GFOD1: variants seen among roughly 807,000 people sequenced by gnomAD.
GFOD1 encodes glucose-fructose oxidoreductase domain-containing protein 1.
A neutral mutation model predicts 25.4 loss-of-function variants in GFOD1; 9 were observed. That is an observed-to-expected ratio of 0.35 (90% CI 0.21 to 0.62). GFOD1 has a LOEUF of 0.62. Among genes scored for constraint, GFOD1 ranks in the 20% least tolerant of loss-of-function variants. The probability of loss-of-function intolerance (pLI) is 0.72; values close to 1 mark genes in which losing one functional copy is unlikely to be tolerated. For synonymous variants in GFOD1, 253 were observed against 245.6 expected (o/e 1.03, Z -0.28); for missense variants, 403 against 556.9 (o/e 0.72, Z 2.78).
At chr6:13,463,421 TG>T (rs1369951648) in intron 1 of GFOD1, among the ~76,000 whole-genome samples, 5 of 152,244 alleles carry the variant, frequency 3.3e-5, no homozygotes, top group African/African-American at 7.2e-5. Context: ...TCAGTTCATA[TG>T]CTCAGTAGCC....
At chr6:13,485,804 C>A (rs968711418) in intron 1 of GFOD1, among the ~76,000 whole-genome samples, 1 of 152,184 alleles carries the variant, frequency 6.6e-6, no homozygotes, top group African/African-American at 2.4e-5. Flanking sequence ...TCATGCAAAG[C>A]ATCCATGCCT....
In GFOD1 at chr6:13,474,274, G is replaced by A. The variant is rs111310899; in HGVS notation, c.253+12364C>T. ...CATGCCTGTAATTCCAGCTACTGGG[G>A]AGGCTGAGGCAGGAGAATTGCTTGA... On this transcript the variant is annotated intron_variant, in intron 1 of 1. Coordinates refer to ENST00000379287, the MANE Select transcript of GFOD1 (RefSeq NM_018988.4). Among the ~76,000 whole-genome samples, 1,522 of 152,268 alleles carry A rather than the reference G, an allele frequency of 1.0e-2. 15 individuals are homozygous for A. Among genetic ancestry groups the A allele is most frequent in the Non-Finnish European group, 0.014 (940 of 68,016 alleles).
intron 1 of GFOD1, among the ~76,000 whole-genome samples, chr6:13,484,959 A>G (rs1390208052): frequency 6.6e-6 from 1 of 152,246 alleles, no homozygotes; most frequent in Non-Finnish European, 1.5e-5. Flanking sequence ...TTGCACTAAT[A>G]GAATTATACC....
Position 13,430,021 on chromosome 6 carries a change from C to A in GFOD1, c.253+56617G>T, listed in dbSNP as rs2127569989. Among the ~76,000 whole-genome samples, 1 of 152,230 alleles carries A rather than the reference C, an allele frequency of 6.6e-6. No individual in the cohort carries two copies. The highest frequency in any genetic ancestry group is 3.4e-3 in the Middle Eastern group (1 of 294). On this transcript the variant is annotated intron_variant, in intron 1 of 1. Transcript: ENST00000379287. The surrounding 1 kb of genome is among the most constrained non-coding windows in gnomAD (Gnocchi z 4.1). ...TCCTTCCCCTTGAATTTGGATGGAT[C>A]TTTGGGACCAGCTTAATGAAAAAAT...
At chr6:13,459,799 G>C (rs1758260831) in intron 1 of GFOD1, among the ~76,000 whole-genome samples, 1 of 152,156 alleles carries the variant, frequency 6.6e-6, no homozygotes, top group African/African-American at 2.4e-5. Flanking sequence ...ACCACAATGA[G>C]ATACCATCTC....
Position 13,448,791 on chromosome 6 carries a change from A to T in GFOD1, c.253+37847T>A, listed in dbSNP as rs1197762612. 2.0e-5 allele frequency among the ~76,000 whole-genome samples: 3 copies of T among 152,152 alleles called. No homozygotes were observed. The East Asian group carries it at 5.8e-4, about 29-fold the overall frequency. On this transcript the variant is annotated intron_variant, in intron 1 of 1. Coordinates refer to ENST00000379287, the MANE Select transcript of GFOD1 (RefSeq NM_018988.4). ...GCCTCTGAGGGTCATGCTTCTAGAA[A>T]CCTGGTGGACAGAGATCTGGCTGTA... is the stretch of plus-strand genomic sequence containing the variant.
intron 1 of GFOD1, among the ~76,000 whole-genome samples, chr6:13,426,939 T>C (rs1757639987): frequency 6.6e-6 from 1 of 152,192 alleles, no homozygotes; most frequent in Non-Finnish European, 1.5e-5. Flanking sequence ...TGGGGGAGGT[T>C]ACTTAACTTC....
intron 1 of GFOD1, among the ~76,000 whole-genome samples, chr6:13,448,974 C>A (rs917852125): frequency 2.6e-4 from 40 of 152,252 alleles, no homozygotes; most frequent in African/African-American, 7.9e-4. Flanking sequence ...CAATCCAGGG[C>A]AACTGCAAGA....
intron 1 of GFOD1, among the ~76,000 whole-genome samples, chr6:13,459,951 T>C (rs1430532328): frequency 1.3e-5 from 2 of 152,164 alleles, no homozygotes; most frequent in African/African-American, 4.8e-5. Context: ...CTGGCCAACA[T>C]GGTGAAACCC....
chr6:13,474,123 T>TA (rs1298862200), intron 1 of GFOD1, among the ~76,000 whole-genome samples: 1 of 152,238 alleles, frequency 6.6e-6, no homozygotes, highest in African/African-American at 2.4e-5. Flanking sequence ...CTCTCGCCTG[T>TA]AATCCCAGCA....
chr6:13,442,011 C>G (rs1351604192), intron 1 of GFOD1, among the ~76,000 whole-genome samples: 1 of 152,120 alleles, frequency 6.6e-6, no homozygotes, highest in Admixed American at 6.5e-5. Context: ...ACTGTGTAGA[C>G]ACGCCAATTC....
rs375547780 is a variant in GFOD1, at chr6:13,486,195, C to A, written c.253+443G>T. The A allele has an allele frequency of 1.7e-4, 167 of 994,116 alleles. 1 individual carries two copies. The African/African-American group carries it at 2.6e-3, about 16-fold the overall frequency. 61.6% of individuals were successfully genotyped at this position (994,116 alleles called of 1,614,324 possible). A position where few individuals can be genotyped will look rare whatever the true frequency, so the allele number is the denominator to read the frequency against. ...CCTTTTATTCAGGCGTTTCTGGGCGCGCACTCGCCTCTCCCAGGCGCGCGC... is the reference window on the plus strand; with the variant it reads ...CCTTTTATTCAGGCGTTTCTGGGCGAGCACTCGCCTCTCCCAGGCGCGCGC... On this transcript the variant is annotated intron_variant, in intron 1 of 1. Transcript: ENST00000379287.
chr6:13,369,313 A>G (rs1335813865), intron 1 of GFOD1, among the ~76,000 whole-genome samples: 1 of 152,244 alleles, frequency 6.6e-6, no homozygotes, highest in Non-Finnish European at 1.5e-5. Context: ...GGAATTTCTC[A>G]TAAAGAACTA....
chr6:13,397,660 G>T (rs895177310), intron 1 of GFOD1, among the ~76,000 whole-genome samples: 5 of 152,218 alleles, frequency 3.3e-5, no homozygotes, highest in African/African-American at 1.2e-4. Context: ...GGAGAGCAGG[G>T]TGGGGAACAG....
At chr6:13,401,403 GAAGGGA>G (rs1285219320) in intron 1 of GFOD1, among the ~76,000 whole-genome samples, 2 of 24,334 alleles carry the variant, frequency 8.2e-5, no homozygotes, top group Non-Finnish European at 2.5e-3. Context: ...TAGTGGAAGG[GAAGGGA>G]AAGGGAAAAA....
chr6:13,469,324 G>A (rs1758435766), intron 1 of GFOD1: 1 of 984,240 alleles, frequency 1.0e-6, no homozygotes, highest in South Asian at 4.7e-5. Context: ...TCAAAAATAA[G>A]TTATAATCAA....
intron 1 of GFOD1, among the ~76,000 whole-genome samples, chr6:13,369,490 T>C (rs1785107505): frequency 6.6e-6 from 1 of 151,982 alleles, no homozygotes; most frequent in Non-Finnish European, 1.5e-5. Flanking sequence ...CTGGACAACA[T>C]AGCAAGATCC....
chr6:13,386,441 T>G (rs1474461830), intron 1 of GFOD1, among the ~76,000 whole-genome samples: 1 of 152,160 alleles, frequency 6.6e-6, no homozygotes, highest in South Asian at 2.1e-4. Flanking sequence ...TCGGAGGACA[T>G]GCGGCTGTCC....
At chr6:13,467,552 C>A (rs1011011417) in intron 1 of GFOD1, among the ~76,000 whole-genome samples, 1 of 152,166 alleles carries the variant, frequency 6.6e-6, no homozygotes, top group Non-Finnish European at 1.5e-5. Flanking sequence ...TGAAAAGAAA[C>A]CTGCCTGCAA....
Sources: allele counts gnomAD v4.1 joint callset (sites outside exome capture counted in the v4.1 genomes callset), GRCh38; gene constraint gnomAD v4.1.1; non-coding constraint Gnocchi (gnomAD v3.1); transcripts MANE v1.5; gene names NCBI Gene and HGNC (gene_info 2026-07-23, HGNC 2026-07-21).